TG: variants seen among roughly 807,000 people sequenced by gnomAD.
The protein encoded by TG is thyroglobulin.
Under a neutral mutation model 324.7 loss-of-function variants are expected in TG, and 270 were observed. That is an observed-to-expected ratio of 0.83 (90% CI 0.75 to 0.92). The LOEUF (loss-of-function observed/expected upper bound fraction) is 0.92. Ranked by LOEUF, TG falls within the 40% of genes least tolerant of loss-of-function variation. TG has a pLI of 0.00. For missense variants in TG, 3,591 were observed against 3,456.4 expected (o/e 1.04, Z -0.98); for synonymous variants, 1,401 against 1,327.0 (o/e 1.06, Z -1.21).
At position 132,871,458 on chromosome 8, in the gene TG, G is replaced by C. The variant is rs115677932; in HGVS notation, c.385G>C (p.Val129Leu). The change falls in exon 4 of 48, where the codon GTT (valine) becomes CTT (leucine). Residue 129 changes from valine to leucine, a missense_variant. Coordinates refer to ENST00000220616, the MANE Select transcript of TG (RefSeq NM_003235.5). ...QCQDSGDYAP[V>L]QCDVQQVQCW... ...TCAGGATTCAGGGGACTACGCGCCT[G>C]TTCAGTGTGATGTGCAGCAGGTCCA... 2 of 1,614,228 alleles carry C rather than the reference G, an allele frequency of 1.2e-6. No individual in the cohort carries two copies. The highest frequency in any genetic ancestry group is 1.7e-6 in the Non-Finnish European group (2 of 1,180,044).
At chr8:132,933,434 T>TTGTGTG (rs370957018) in intron 23 of TG, 127 bp from the exon 24 acceptor site, 63,543 of 675,930 alleles carry the variant, frequency 0.094, 1,215 homozygotes, top group East Asian at 0.2. Flanking sequence ...ATCTGCATAT[T>TTGTGTG]TGTGTGTGTG....
chr8:132,867,036 C>T lies in TG; in HGVS notation c.36C>T (p.Ala12=). The change falls in exon 1 of 48, where the codon GCC becomes GCT. Residue 12 remains alanine (A), a synonymous_variant. Coordinates refer to ENST00000220616, the MANE Select transcript of TG (RefSeq NM_003235.5). ...ALVLEIFTLL[A]SICWVSANIF... Reference sequence around the variant, plus strand: ...TCCTGGAGATCTTCACCCTGCTGGCCTCCATCTGCTGGGTGTCGGCCAATA... The same window carrying T: ...TCCTGGAGATCTTCACCCTGCTGGCTTCCATCTGCTGGGTGTCGGCCAATA... 6.2e-7 allele frequency: 1 copy of T among 1,601,960 alleles called. No homozygotes were observed. The highest frequency in any genetic ancestry group is 8.5e-7 in the Non-Finnish European group (1 of 1,173,328).
At chr8:132,869,609 A>T in intron 2 of TG, 120 bp from the exon 3 acceptor site, 1 of 878,476 alleles carries the variant, frequency 1.1e-6, no homozygotes, top group Non-Finnish European at 1.9e-6. Context: ...CTCTCTCCCT[A>T]ATTTAAACGA....
At chr8:132,924,788 T>C (rs1292100947) in intron 22 of TG, among the ~76,000 whole-genome samples, 2 of 152,160 alleles carry the variant, frequency 1.3e-5, no homozygotes, top group East Asian at 1.9e-4. Context: ...GTTTCCCCCG[T>C]TGTAAGAGTG....
chr8:133,079,661 A>G (rs544306808), intron 41 of TG, among the ~76,000 whole-genome samples: 1 of 152,196 alleles, frequency 6.6e-6, no homozygotes, highest in Non-Finnish European at 1.5e-5. Context: ...GCAGATTTCC[A>G]TTCCTACTTT....
At position 132,887,354 on chromosome 8, in the gene TG, A is replaced by C. The variant is rs1815565416; in HGVS notation, c.1982A>C (p.Asp661Ala). 6.2e-7 allele frequency: 1 copy of C among 1,613,686 alleles called. No homozygotes were observed. The highest frequency in any genetic ancestry group is 8.5e-7 in the Non-Finnish European group (1 of 1,179,636). ...VRGGQPRCPT[D>A]CEKQRARMQS... ...GGTGGACAGCCAAGGTGCCCCACAGACTGTGAAAAGCAAAGGGCTCGCATG... is the reference window on the plus strand; with the variant it reads ...GGTGGACAGCCAAGGTGCCCCACAGCCTGTGAAAAGCAAAGGGCTCGCATG... The change falls in exon 9 of 48, where the codon GAC (aspartate) becomes GCC (alanine). Residue 661 changes from aspartate (D) to alanine (A), a missense_variant. Coordinates refer to ENST00000220616, the MANE Select transcript of TG (RefSeq NM_003235.5).
intron 41 of TG, among the ~76,000 whole-genome samples, chr8:133,058,735 C>G (rs2741199): frequency 0.3 from 45,086 of 152,150 alleles, 7,172 homozygotes; most frequent in East Asian, 0.56. Flanking sequence ...TTCTGAGTGT[C>G]GCATGGGAGA....
intron 34 of TG, among the ~76,000 whole-genome samples, chr8:132,973,957 G>A (rs1287066645): frequency 1.3e-5 from 2 of 151,760 alleles, no homozygotes; most frequent in Middle Eastern, 3.4e-3. Context: ...AATGTGGAAG[G>A]GGTCTTCGAG....
At position 132,872,200 on chromosome 8, in the gene TG, C is replaced by T. The variant is rs374827575; in HGVS notation, c.478+649C>T. 7.9e-5 allele frequency among the ~76,000 whole-genome samples: 12 copies of T among 152,086 alleles called. No homozygotes were observed. In the East Asian group the frequency reaches 1.4e-3, roughly 17 times the overall value. ...AAATGTATAAAGTAAAAATATTGGC[C>T]GGGCGCGGTGGCTCACGCCTGTAAT... is the stretch of plus-strand genomic sequence containing the variant. On this transcript the variant is annotated intron_variant, in intron 4 of 47. Coordinates refer to ENST00000220616, the MANE Select transcript of TG (RefSeq NM_003235.5).
intron 35 of TG, among the ~76,000 whole-genome samples, chr8:133,003,806 C>T (rs1046709831): frequency 1.3e-5 from 2 of 152,140 alleles, no homozygotes; most frequent in East Asian, 1.9e-4. Flanking sequence ...CTGCCCTTGT[C>T]CCCTCAGCAG....
At chr8:133,046,241 G>T (rs981258776) in intron 41 of TG, among the ~76,000 whole-genome samples, 3 of 152,218 alleles carry the variant, frequency 2.0e-5, no homozygotes, top group Admixed American at 6.5e-5. Context: ...TGCTATCTCT[G>T]CTGGGCAGGG....
intron 41 of TG, among the ~76,000 whole-genome samples, chr8:133,041,582 G>C (rs952844679): frequency 6.6e-6 from 1 of 152,170 alleles, no homozygotes; most frequent in African/African-American, 2.4e-5. Flanking sequence ...AGATGCAAAG[G>C]CTGGAGAGAT....
At chr8:133,127,282 G>A (rs919922448) in intron 45 of TG, among the ~76,000 whole-genome samples, 1 of 152,134 alleles carries the variant, frequency 6.6e-6, no homozygotes, top group African/African-American at 2.4e-5. Flanking sequence ...TGTGGATTAT[G>A]ACTCCTGATC....
At chr8:133,029,161 G>A (rs1436679379) in intron 40 of TG, among the ~76,000 whole-genome samples, 1 of 152,018 alleles carries the variant, frequency 6.6e-6, no homozygotes, top group Non-Finnish European at 1.5e-5. Flanking sequence ...AGAAGTGTAT[G>A]TAGTGTCTCA....
Position 132,997,001 on chromosome 8 carries a change from C to T in TG, c.6262+13589C>T, listed in dbSNP as rs139164111. 5.0e-3 allele frequency among the ~76,000 whole-genome samples: 759 copies of T among 152,272 alleles called. 7 individuals carry two copies. The highest frequency in any genetic ancestry group is 0.016 in the African/African-American group (680 of 41,542). ...AGATTTCAGGGAAACTCAGACACTA[C>T]GTTTTTTGTTTGTTTGTTTTGCTAC... is the stretch of plus-strand genomic sequence containing the variant. On this transcript the variant is annotated intron_variant, in intron 35 of 47. Transcript: ENST00000220616.
At chr8:132,902,940 T>G (rs78596724) in intron 16 of TG, among the ~76,000 whole-genome samples, 1 of 152,084 alleles carries the variant, frequency 6.6e-6, no homozygotes, top group African/African-American at 2.4e-5. Context: ...ACAATGCAGG[T>G]AAATAGATAG....
At chr8:132,910,038 G>A (rs964340412) in intron 18 of TG, among the ~76,000 whole-genome samples, 4 of 152,148 alleles carry the variant, frequency 2.6e-5, no homozygotes, top group South Asian at 2.1e-4. Context: ...TTCAAAAATC[G>A]TGCCACAGTG....
intron 41 of TG, among the ~76,000 whole-genome samples, chr8:133,051,149 C>T (rs1840336433): frequency 6.6e-6 from 1 of 152,174 alleles, no homozygotes; most frequent in Non-Finnish European, 1.5e-5. Context: ...TGCCTTGGCC[C>T]TCATGTTCTC....
intron 43 of TG, 97 bp downstream of exon 43, chr8:133,096,470 C>T: frequency 6.8e-7 from 1 of 1,460,180 alleles, no homozygotes; most frequent in South Asian, 1.2e-5. Context: ...TGACCAATTG[C>T]TGAGTAACTA....
Sources: gnomAD v4.1 joint callset for allele counts (sites outside exome capture counted in the v4.1 genomes callset) on GRCh38, gnomAD v4.1.1 for gene constraint, MANE v1.5 for transcripts, NCBI Gene and HGNC (gene_info 2026-07-23, HGNC 2026-07-21) for gene names.